Variants in TRIM43B observed in about 807,000 individuals in gnomAD.
The protein encoded by TRIM43B is tripartite motif-containing protein 43B.
TRIM43B carries 15 observed loss-of-function variants against 27.0 expected under a neutral mutation model. The observed-to-expected ratio is 0.55, with a 90% CI of 0.37 to 0.85. The LOEUF is 0.85. Ranked by LOEUF, TRIM43B falls within the 40% of genes least tolerant of loss-of-function variation. The pLI is 0.00. For missense variants in TRIM43B, 172 were observed against 289.8 expected, an observed-to-expected ratio of 0.59 and a Z score of 2.95; for synonymous variants, 69 against 97.8, an observed-to-expected ratio of 0.71 and a Z score of 1.74.
chr2:95,480,176 T>C (rs1359320357), intron 4 of TRIM43B, 129 bp downstream of exon 4: 7 of 1,382,706 alleles, frequency 5.1e-6, no homozygotes, highest in African/African-American at 1.5e-5. Context: ...TTTATCTCTA[T>C]AACCGGTGGG....
At chr2:95,481,797 A>T in intron 2 of TRIM43B, 107 bp from the exon 3 acceptor site, 11 of 1,144,696 alleles carry the variant, frequency 9.6e-6, no homozygotes, top group Non-Finnish European at 1.3e-5. Flanking sequence ...TAGTGAGAGG[A>T]GAAAAAAACA....
At position 95,482,497 on chromosome 2, in the gene TRIM43B, A is replaced by T; in HGVS notation, c.218T>A (p.Leu73Ter). ...ACTGGCTTTTCTGGCAATGGTCACT[A>T]AATTCTTCAGAAGAATATTGGTTTT... is the stretch of plus-strand genomic sequence containing the variant. The change falls in exon 2 of 7, where the codon TTA becomes TAA. Residue 73 changes from leucine to a stop codon, truncating the protein, a stop_gained. Transcript: ENST00000639673. LOFTEE classifies it high-confidence loss of function. The T allele has an allele frequency of 6.2e-7, 1 of 1,606,832 alleles. No homozygotes were observed. The highest frequency in any genetic ancestry group is 1.1e-5 in the South Asian group (1 of 90,514).
At chr2:95,482,808 A>T (rs1683558920) in intron 1 of TRIM43B, 90 bp from the exon 2 acceptor site, 2 of 1,530,380 alleles carry the variant, frequency 1.3e-6, no homozygotes, top group East Asian at 4.5e-5. Context: ...ATCGAATAAT[A>T]TCCTTTCTTT....
chr2:95,480,720 C>G (rs1161647822), intron 3 of TRIM43B, among the ~76,000 whole-genome samples, 185 bp from the exon 4 acceptor site: 1 of 151,928 alleles, frequency 6.6e-6, no homozygotes, highest in Admixed American at 6.6e-5. Flanking sequence ...CAAAAAAGCC[C>G]TTTAGGTTTA....
intron 2 of TRIM43B, 94 bp downstream of exon 2, chr2:95,482,210 A>G (rs1683540225): frequency 1.6e-6 from 2 of 1,277,550 alleles, no homozygotes; most frequent in East Asian, 5.1e-5. Context: ...CACTCAGTAA[A>G]GAATGGAGTA....
chr2:95,483,630 A>T (rs1239482487), intron 1 of TRIM43B, among the ~76,000 whole-genome samples: 2 of 151,540 alleles, frequency 1.3e-5, no homozygotes, highest in Non-Finnish European at 3.0e-5. Context: ...GATCAAGACC[A>T]TCCTGGCTAA....
chr2:95,483,595 A>G (rs1683577085), intron 1 of TRIM43B, among the ~76,000 whole-genome samples: 1 of 150,898 alleles, frequency 6.6e-6, no homozygotes, highest in African/African-American at 2.4e-5. Context: ...GAGGTGGCTG[A>G]GGCTGGCAGA....
At chr2:95,483,111 A>C (rs1227677692) in intron 1 of TRIM43B, among the ~76,000 whole-genome samples, 4 of 152,152 alleles carry the variant, frequency 2.6e-5, no homozygotes, top group Non-Finnish European at 5.9e-5. Context: ...AGAGAAGGAA[A>C]GCTAACTAAG....
chr2:95,482,270 C>G (rs1256076718), intron 2 of TRIM43B, 34 bp downstream of exon 2: 1 of 1,602,250 alleles, frequency 6.2e-7, no homozygotes, highest in African/African-American at 1.3e-5. Context: ...CTGCCACCCT[C>G]CAGCTTTCAG....
chr2:95,480,413 C>T, exon 4 of TRIM43B: 3 of 1,608,514 alleles, frequency 1.9e-6, no homozygotes, highest in Non-Finnish European at 2.5e-6. Flanking sequence ...TCTGGAGTTG[C>T]TGAAAAATCT....
intron 1 of TRIM43B, among the ~76,000 whole-genome samples, chr2:95,484,068 TAAAAAAA>T (rs33962775): frequency 1.8e-5 from 2 of 108,408 alleles, no homozygotes; most frequent in Non-Finnish European, 3.7e-5. Context: ...TATATAAATT[TAAAAAAA>T]AAAAAAAAAA....
intron 1 of TRIM43B, among the ~76,000 whole-genome samples, 181 bp from the exon 2 acceptor site, chr2:95,482,899 A>C (rs1393098915): frequency 1.3e-5 from 2 of 152,168 alleles, no homozygotes; most frequent in Non-Finnish European, 2.9e-5. Flanking sequence ...ATCAATCTCT[A>C]TAAAAAGTGA....
chr2:95,482,660 A>G (rs772403082), exon 2 of TRIM43B: 29 of 1,613,714 alleles, frequency 1.8e-5, no homozygotes, highest in Non-Finnish European at 1.9e-5. Flanking sequence ...AGGTAGTTCA[A>G]ACAGATGACA....
At chr2:95,480,600 C>G (rs1266602791) in intron 3 of TRIM43B, 65 bp from the exon 4 acceptor site, 2 of 1,579,358 alleles carry the variant, frequency 1.3e-6, no homozygotes, top group Non-Finnish European at 1.7e-6. Flanking sequence ...GAGCCCACAA[C>G]TTCATCCTCC....
chr2:95,481,699 G>T lies in TRIM43B; in HGVS notation c.412-9C>A, dbSNP rs758001897. The T allele has an allele frequency of 6.2e-6, 10 of 1,610,206 alleles. No individual in the cohort carries two copies. The highest frequency in any genetic ancestry group is 1.1e-5 in the South Asian group (1 of 90,082). On this transcript the variant is annotated splice_polypyrimidine_tract_variant and intron_variant, in intron 2 of 6. Coordinates refer to ENST00000639673, the Ensembl canonical transcript of TRIM43B. ...TGCTTTAAGAGTTTCTCCTGCAAAAGAATTAAAGGTTGAACAGAAAGTCAA... is the reference window on the plus strand; with the variant it reads ...TGCTTTAAGAGTTTCTCCTGCAAAATAATTAAAGGTTGAACAGAAAGTCAA...
intron 1 of TRIM43B, among the ~76,000 whole-genome samples, chr2:95,483,151 A>G (rs1683566583): frequency 6.6e-6 from 1 of 152,140 alleles, no homozygotes; most frequent in Non-Finnish European, 1.5e-5. Flanking sequence ...TTATTTAACT[A>G]TAACAACCAT....
Position 95,480,880 on chromosome 2 carries a change from T to G in TRIM43B, c.508-345A>C, listed in dbSNP as rs563644472. ...ACTTCACAGCCTGAACAATCACTCT[T>G]AGTAGAAATGTTTTTAGTATATTAT... On this transcript the variant is annotated intron_variant, in intron 3 of 6. Transcript: ENST00000639673. Among the ~76,000 whole-genome samples the G allele has an allele frequency of 5.0e-4, 76 of 152,126 alleles. 1 individual carries two copies. The highest frequency in any genetic ancestry group is 1.8e-3 in the African/African-American group (75 of 41,522).
chr2:95,482,827 G>A (rs542855078), intron 1 of TRIM43B, 109 bp from the exon 2 acceptor site: 19 of 1,524,238 alleles, frequency 1.2e-5, no homozygotes, highest in Non-Finnish European at 1.7e-5. Flanking sequence ...TTCTAAAGAA[G>A]TATAGGTTTT....
At position 95,480,547 on chromosome 2, in the gene TRIM43B, T is replaced by C. The variant is rs747760438; in HGVS notation, c.508-12A>G. ...AAAACCACATCGCCCTGTAGGGATATGAATTTTGTAGGTTATATACCCAGG... is the reference window on the plus strand; with the variant it reads ...AAAACCACATCGCCCTGTAGGGATACGAATTTTGTAGGTTATATACCCAGG... On this transcript the variant is annotated splice_polypyrimidine_tract_variant and intron_variant, in intron 3 of 6. Coordinates refer to ENST00000639673, the Ensembl canonical transcript of TRIM43B. 5 of 1,605,828 alleles carry C rather than the reference T, an allele frequency of 3.1e-6. No homozygotes were observed. Among genetic ancestry groups the C allele is most frequent in the South Asian group, 1.1e-5 (1 of 89,906 alleles).
Sources: allele counts gnomAD v4.1 joint callset (sites outside exome capture counted in the v4.1 genomes callset), GRCh38; gene constraint gnomAD v4.1.1; transcripts MANE v1.5; gene names NCBI Gene and HGNC (gene_info 2026-07-23, HGNC 2026-07-21).